The following TMCO6 variants were observed in gnomAD, a reference collection of about 807,000 sequenced individuals.
The protein encoded by TMCO6 is transmembrane and coiled-coil domain-containing protein 6.
In TMCO6, 47 loss-of-function variants were observed where a neutral mutation model predicts 61.8. The observed-to-expected ratio is 0.76, with a 90% CI of 0.60 to 0.97. TMCO6 has a LOEUF of 0.97. Ranked by LOEUF, TMCO6 falls within the 50% of genes least tolerant of loss-of-function variation. The pLI is 0.00. For synonymous variants in TMCO6, 261 were observed against 254.2 expected (o/e 1.03, Z -0.25); for missense variants, 557 against 601.6 (o/e 0.93, Z 0.78).
downstream of TMCO6, chr5:140,645,437 G>T: frequency 9.9e-7 from 1 of 1,012,502 alleles, no homozygotes; most frequent in Non-Finnish European, 1.5e-6. Flanking sequence ...ACAGTAAGGG[G>T]TAGAGGGTAG....
At chr5:140,602,793 C>CAA in the TMCO6 span, among the ~76,000 whole-genome samples, 1 of 145,020 alleles carries the variant, frequency 6.9e-6, no homozygotes, top group African/African-American at 2.6e-5. Context: ...CACACACACA[C>CAA]AAAAAAAAAG....
the TMCO6 span, among the ~76,000 whole-genome samples, chr5:140,615,610 A>C: frequency 6.6e-6 from 1 of 152,202 alleles, no homozygotes; most frequent in Non-Finnish European, 1.5e-5. Flanking sequence ...AGACCAAGGA[A>C]TAGAATAGAA....
intron 4 of TMCO6, 105 bp from the exon 5 acceptor site, chr5:140,642,210 C>T (rs2149793441): frequency 2.9e-6 from 4 of 1,390,886 alleles, no homozygotes; most frequent in Non-Finnish European, 3.9e-6. Context: ...TTGTGAGCCG[C>T]AAGGATAGCT....
At chr5:140,623,275 G>A in the TMCO6 span, among the ~76,000 whole-genome samples, 1 of 152,160 alleles carries the variant, frequency 6.6e-6, no homozygotes, top group Non-Finnish European at 1.5e-5. Context: ...AAAGTCACTA[G>A]ACAGATAAAC....
the TMCO6 span, among the ~76,000 whole-genome samples, chr5:140,607,348 C>T: frequency 6.6e-6 from 1 of 152,178 alleles, no homozygotes; most frequent in South Asian, 2.1e-4. Context: ...CAAGGTTTAT[C>T]TATGTTGTAA....
chr5:140,601,815 T>C, the TMCO6 span, among the ~76,000 whole-genome samples: 1 of 152,178 alleles, frequency 6.6e-6, no homozygotes, highest in Non-Finnish European at 1.5e-5. Flanking sequence ...GAGATTCCAG[T>C]GGAGTCTAGA....
At chr5:140,625,531 A>G in the TMCO6 span, among the ~76,000 whole-genome samples, 1 of 152,142 alleles carries the variant, frequency 6.6e-6, no homozygotes, top group African/African-American at 2.4e-5. Flanking sequence ...TATTCTAACA[A>G]CTATAAACTT....
downstream of TMCO6, chr5:140,647,494 G>A: frequency 6.2e-7 from 1 of 1,612,356 alleles, no homozygotes; most frequent in South Asian, 1.1e-5. Flanking sequence ...TGACGCCCTG[G>A]CTGCCGGGCG....
chr5:140,612,086 A>G, the TMCO6 span, among the ~76,000 whole-genome samples: 3 of 152,166 alleles, frequency 2.0e-5, no homozygotes, highest in African/African-American at 7.2e-5. Flanking sequence ...ATTCCAGATG[A>G]CAGAGCAGGA....
chr5:140,644,466 G>T, intron 10 of TMCO6, 107 bp from the exon 11 acceptor site: 1 of 1,333,938 alleles, frequency 7.5e-7, no homozygotes, highest in East Asian at 2.3e-5. Flanking sequence ...GTATGTAGAA[G>T]AGCTTGGCAT....
At chr5:140,629,997 C>T in the TMCO6 span, among the ~76,000 whole-genome samples, 1 of 146,792 alleles carries the variant, frequency 6.8e-6, no homozygotes, top group Admixed American at 6.8e-5. Flanking sequence ...TATCTGCTCC[C>T]TTTTTTTTTT....
the TMCO6 span, chr5:140,632,854 C>G: frequency 6.2e-7 from 1 of 1,614,078 alleles, no homozygotes; most frequent in South Asian, 1.1e-5. The surrounding 1 kb of genome is among the most constrained non-coding windows in gnomAD (Gnocchi z 6.2). Context: ...TCGGACCAGT[C>G]GGGCTGAGGT....
the TMCO6 span, chr5:140,631,800 C>T: frequency 1.4e-6 from 2 of 1,473,402 alleles, no homozygotes; most frequent in East Asian, 2.3e-5. Context: ...AACGTCCTGA[C>T]GGGACTCCCC....
the TMCO6 span, among the ~76,000 whole-genome samples, chr5:140,625,786 A>G: frequency 6.6e-6 from 1 of 152,220 alleles, no homozygotes; most frequent in Non-Finnish European, 1.5e-5. Flanking sequence ...ATTAATGACC[A>G]GAACATTCCA....
At chr5:140,598,960 A>G in the TMCO6 span, among the ~76,000 whole-genome samples, 4 of 152,140 alleles carry the variant, frequency 2.6e-5, no homozygotes, top group East Asian at 7.7e-4. Context: ...CAAAAAACCA[A>G]AGTAAGTGTC....
At chr5:140,617,353 G>A in the TMCO6 span, among the ~76,000 whole-genome samples, 1 of 152,198 alleles carries the variant, frequency 6.6e-6, no homozygotes, top group Non-Finnish European at 1.5e-5. Flanking sequence ...CTTGAGGTCA[G>A]GAATTCGAGA....
At chr5:140,603,159 C>G in the TMCO6 span, among the ~76,000 whole-genome samples, 1 of 152,096 alleles carries the variant, frequency 6.6e-6, no homozygotes, top group Non-Finnish European at 1.5e-5. Flanking sequence ...TAATCACTTC[C>G]CATTCCTCTC....
the TMCO6 span, among the ~76,000 whole-genome samples, chr5:140,631,565 T>C: frequency 1.3e-5 from 2 of 152,298 alleles, no homozygotes; most frequent in East Asian, 3.9e-4. Context: ...CCAGGAGTCC[T>C]TTCCTGGCTC....
rs1757095343 is a variant in TMCO6, at chr5:140,642,357, G to A, written c.541G>A (p.Glu181Lys). 1.9e-6 allele frequency: 3 copies of A among 1,613,918 alleles called. No homozygotes were observed. Among genetic ancestry groups the A allele is most frequent in the Non-Finnish European group, 2.5e-6 (3 of 1,179,882 alleles). ...ACTGGGTAACCTGATCGTGGAGAGT[G>A]AGGCTGTGAGAAGGCAGCTCCTGCC... The part of the protein sequence containing the change: ...YTLGNLIVES[E>K]AVRRQLLPQG... The change falls in exon 5 of 12, where the codon GAG becomes AAG. Residue 181 changes from glutamate to lysine, a missense_variant. Physicochemically the swap from Glu to Lys is moderately conservative, Grantham distance 56 (BLOSUM62 1). Coordinates refer to ENST00000394671, the MANE Select transcript of TMCO6 (RefSeq NM_018502.5).
Sources: gnomAD v4.1 joint callset for allele counts (sites outside exome capture counted in the v4.1 genomes callset) on GRCh38, gnomAD v4.1.1 for gene constraint, Gnocchi (gnomAD v3.1) non-coding constraint, MANE v1.5 for transcripts, NCBI Gene and HGNC (gene_info 2026-07-23, HGNC 2026-07-21) for gene names.